SPECC1: variants seen among roughly 807,000 people sequenced by gnomAD.
The protein encoded by SPECC1 is cytospin-B.
In SPECC1, 62 loss-of-function variants were observed where a neutral mutation model predicts 104.1. The ratio of observed to expected loss-of-function variants is 0.60; its 90% CI spans 0.49 to 0.74. The LOEUF is 0.74. Among genes scored for constraint, SPECC1 ranks in the 30% least tolerant of loss-of-function variants. The probability of loss-of-function intolerance (pLI) is 0.00; values close to 1 mark genes in which losing one functional copy is unlikely to be tolerated. For missense variants in SPECC1, 1,306 were observed against 1,310.5 expected, an observed-to-expected ratio of 1.00 and a Z score of 0.05; for synonymous variants, 513 against 501.6, an observed-to-expected ratio of 1.02 and a Z score of -0.30.
At chr17:20,201,738 C>CT (rs1280996767) in intron 3 of SPECC1, among the ~76,000 whole-genome samples, 2 of 152,096 alleles carry the variant, frequency 1.3e-5, no homozygotes, top group Admixed American at 1.3e-4. Flanking sequence ...TTAAATAAGT[C>CT]TTTTCCTCGT....
At chr17:20,075,671 C>T (rs12937327) in intron 1 of SPECC1, among the ~76,000 whole-genome samples, 32,743 of 151,896 alleles carry the variant, frequency 0.22, 4,587 homozygotes, top group Middle Eastern at 0.35. Flanking sequence ...CAGGTCTGGG[C>T]GTCGTAGGTC....
At chr17:20,196,304 T>A (rs2151305589) in intron 3 of SPECC1, among the ~76,000 whole-genome samples, 1 of 152,330 alleles carries the variant, frequency 6.6e-6, no homozygotes. Context: ...AAACCCTGGT[T>A]AGTAAGCAAT....
chr17:20,210,746 G>A (rs866621010), intron 4 of SPECC1, among the ~76,000 whole-genome samples: 6 of 152,128 alleles, frequency 3.9e-5, no homozygotes, highest in African/African-American at 1.2e-4. Flanking sequence ...AGCGCCTTCC[G>A]GTGCTGCCTG....
At chr17:20,234,750 T>A (rs1598051690) in intron 7 of SPECC1, among the ~76,000 whole-genome samples, 1 of 152,228 alleles carries the variant, frequency 6.6e-6, no homozygotes, top group African/African-American at 2.4e-5. Context: ...AAGCTCTGTT[T>A]GCGTCCGTGG....
chr17:20,302,895 A>G (rs2041637272), intron 13 of SPECC1, among the ~76,000 whole-genome samples: 1 of 150,032 alleles, frequency 6.7e-6, no homozygotes, highest in Non-Finnish European at 1.5e-5. Flanking sequence ...AAAAAAAAAA[A>G]AAAAAAAAGA....
At chr17:20,161,330 A>G (rs1055524296) in intron 3 of SPECC1, among the ~76,000 whole-genome samples, 1 of 152,178 alleles carries the variant, frequency 6.6e-6, no homozygotes, top group African/African-American at 2.4e-5. Flanking sequence ...TAGTGCCCCT[A>G]AATGTCTTCT....
chr17:20,289,464 GC>G (rs1258399622), intron 12 of SPECC1, among the ~76,000 whole-genome samples: 1 of 152,060 alleles, frequency 6.6e-6, no homozygotes, highest in Non-Finnish European at 1.5e-5. Flanking sequence ...ACCATGCCTG[GC>G]TAATTTTTTG....
chr17:20,298,944 A>AGTGT (rs1422097054), intron 13 of SPECC1, among the ~76,000 whole-genome samples: 4 of 41,484 alleles, frequency 9.6e-5, no homozygotes, highest in African/African-American at 2.9e-4. Context: ...AGAGAGAGAG[A>AGTGT]GAGAGTGTGT....
chr17:20,276,678 C>A (rs533160432), intron 12 of SPECC1, among the ~76,000 whole-genome samples: 74 of 152,300 alleles, frequency 4.9e-4, no homozygotes, highest in South Asian at 8.3e-4. Context: ...TGGAAAAACC[C>A]AGGCCTGAGA....
At chr17:20,302,752 G>A in intron 13 of SPECC1, among the ~76,000 whole-genome samples, 1 of 51,554 alleles carries the variant, frequency 1.9e-5, no homozygotes, top group South Asian at 1.4e-3. Context: ...ACAGCATGCA[G>A]CACACTGTGA....
At chr17:20,081,828 C>A (rs1453353858) in intron 1 of SPECC1, among the ~76,000 whole-genome samples, 2 of 152,108 alleles carry the variant, frequency 1.3e-5, no homozygotes, top group Non-Finnish European at 2.9e-5. Context: ...AACACACACA[C>A]AACTTTTCAA....
intron 3 of SPECC1, among the ~76,000 whole-genome samples, chr17:20,180,462 C>T (rs1031208280): frequency 6.6e-6 from 1 of 152,164 alleles, no homozygotes; most frequent in Non-Finnish European, 1.5e-5. Context: ...ATGCATAGAA[C>T]AAACACCAGG....
In SPECC1 at chr17:20,260,229, G is replaced by A; in HGVS notation, c.2875G>A (p.Glu959Lys). The A allele has an allele frequency of 6.2e-7, 1 of 1,614,008 alleles. No homozygotes were observed. ...RKDPLAALAR[E>K]YGGSKRNALL... ...AGACCCTCTGGCAGCCTTGGCCCGG[G>A]AATACGGTGGTTCCAAGCGCAATGC... The change falls in exon 12 of 15, where the codon GAA becomes AAA. Residue 959 changes from glutamate (E) to lysine (K), a missense_variant. This residue lies in a region of SPECC1 where 129 missense variants were observed against 170.6 expected (regional missense o/e 0.76). Coordinates refer to ENST00000395527, the MANE Select transcript of SPECC1 (RefSeq NM_001243439.2).
chr17:20,110,145 TA>T (rs111840738), intron 2 of SPECC1, among the ~76,000 whole-genome samples: 1 of 152,214 alleles, frequency 6.6e-6, no homozygotes, highest in Non-Finnish European at 1.5e-5. Flanking sequence ...CCACATTTTT[TA>T]AGGCTCATTA....
intron 3 of SPECC1, among the ~76,000 whole-genome samples, chr17:20,164,674 G>A (rs944812028): frequency 6.6e-6 from 1 of 152,092 alleles, no homozygotes; most frequent in Non-Finnish European, 1.5e-5. Flanking sequence ...CTTCATCTGA[G>A]GATAATGTTT....
intron 1 of SPECC1, among the ~76,000 whole-genome samples, chr17:20,015,582 C>CTT (rs1469162594): frequency 2.5e-5 from 2 of 81,056 alleles, no homozygotes; most frequent in African/African-American, 8.4e-5. Flanking sequence ...TTCCGGGTCT[C>CTT]TATTTTTTTT....
chr17:20,077,813 C>T (rs1209305743), intron 1 of SPECC1, among the ~76,000 whole-genome samples: 1 of 152,064 alleles, frequency 6.6e-6, no homozygotes, highest in African/African-American at 2.4e-5. Context: ...TGGAGTAATA[C>T]TGAGGCAACA....
Position 20,264,503 on chromosome 17 carries a change from ACT to A in SPECC1, c.2940+4212_2940+4213del, listed in dbSNP as rs559593654. Among the ~76,000 whole-genome samples the A allele has an allele frequency of 1.2e-3, 132 of 108,084 alleles. 2 individuals carry two copies. The highest frequency in any genetic ancestry group is 0.011 in the Middle Eastern group (1 of 94). The allele number at this position is 108,084 out of a possible 152,430, so 70.9% of individuals were successfully genotyped here. A position where few individuals can be genotyped will look rare whatever the true frequency, so the allele number is the denominator to read the frequency against. On this transcript the variant is annotated intron_variant, in intron 12 of 14. Coordinates refer to ENST00000395527, the MANE Select transcript of SPECC1 (RefSeq NM_001243439.2). ...TTTTTTTTTTTTGAGACAGAGTCTC[ACT>A]CTGTCACCCAGTCTGGGGTGCAGTG... is the stretch of plus-strand genomic sequence containing the variant.
At chr17:20,231,621 G>A in intron 5 of SPECC1, 137 bp from the exon 6 acceptor site, 2 of 729,076 alleles carry the variant, frequency 2.7e-6, no homozygotes, top group East Asian at 5.0e-5. Flanking sequence ...ATTGCTAAAA[G>A]TTGCATTTAG....
Sources: allele counts gnomAD v4.1 joint callset (sites outside exome capture counted in the v4.1 genomes callset), GRCh38; gene constraint gnomAD v4.1.1; regional missense constraint gnomAD v4.1.1; transcripts MANE v1.5; gene names NCBI Gene and HGNC (gene_info 2026-07-23, HGNC 2026-07-21).